Variants in TMTC2 observed in about 807,000 individuals in gnomAD.
TMTC2 encodes the protein transmembrane O-mannosyltransferase targeting cadherins 2.
A neutral mutation model predicts 82.4 loss-of-function variants in TMTC2; 43 were observed. The observed-to-expected ratio is 0.52, with a 90% CI of 0.41 to 0.67. The LOEUF is 0.67. TMTC2 is among the 30% of genes least tolerant of loss of function. The pLI is 0.00. For synonymous variants in TMTC2, 408 were observed against 381.9 expected (o/e 1.07, Z -0.80); for missense variants, 919 against 1,012.4 (o/e 0.91, Z 1.25).
At position 83,045,617 on chromosome 12, in the gene TMTC2, A is replaced by G. The variant is rs909556962; in HGVS notation, c.2153-5287A>G. Reference sequence around the variant, plus strand: ...TATATACATGTATCTATCTATACACATATGTGTAAACTAGTCATTATGCCC... The same window carrying G: ...TATATACATGTATCTATCTATACACGTATGTGTAAACTAGTCATTATGCCC... On this transcript the variant is annotated intron_variant, in intron 9 of 11. Coordinates refer to ENST00000321196, the MANE Select transcript of TMTC2 (RefSeq NM_152588.3). 4.6e-5 allele frequency among the ~76,000 whole-genome samples: 7 copies of G among 152,144 alleles called. No homozygotes were observed. The East Asian group carries it at 1.4e-3, about 29-fold the overall frequency.
intron 1 of TMTC2, among the ~76,000 whole-genome samples, chr12:82,727,084 G>A (rs1874493734): frequency 2.0e-5 from 3 of 149,850 alleles, no homozygotes; most frequent in South Asian, 2.1e-4. Flanking sequence ...CTGATCTTTT[G>A]TGTTGGAACT....
intron 1 of TMTC2, among the ~76,000 whole-genome samples, chr12:82,776,423 A>C (rs1041279800): frequency 9.2e-5 from 14 of 151,944 alleles, no homozygotes; most frequent in African/African-American, 2.9e-4. Context: ...CTTGGTATTT[A>C]GTTTGGACAC....
intron 9 of TMTC2, among the ~76,000 whole-genome samples, chr12:83,032,480 A>T (rs1881479794): frequency 6.6e-6 from 1 of 151,324 alleles, no homozygotes; most frequent in Non-Finnish European, 1.5e-5. Context: ...TCCAGTGGTG[A>T]TAGTAGCGGG....
chr12:82,954,903 T>C (rs955308276), intron 4 of TMTC2, among the ~76,000 whole-genome samples: 1 of 152,218 alleles, frequency 6.6e-6, no homozygotes, highest in Non-Finnish European at 1.5e-5. Context: ...TAATTTTTCT[T>C]TTACCTTTGT....
rs573637372 is a variant in TMTC2, at chr12:82,917,880, C to T, written c.1484-12551C>T. On this transcript the variant is annotated intron_variant, in intron 3 of 11. Coordinates refer to ENST00000321196, the MANE Select transcript of TMTC2 (RefSeq NM_152588.3). The stretch of plus-strand genomic sequence containing the variant: ...GCCTCCCAAGTGCTGGGATTACAGG[C>T]GTGAGCCACTGCTCCCGGCCAGCTT... Among the ~76,000 whole-genome samples the T allele has an allele frequency of 5.1e-3, 774 of 151,112 alleles. 4 individuals are homozygous for T. The highest frequency in any genetic ancestry group is 7.0e-3 in the Non-Finnish European group (478 of 67,822).
chr12:82,753,815 G>A (rs1876149100), intron 1 of TMTC2, among the ~76,000 whole-genome samples: 1 of 152,194 alleles, frequency 6.6e-6, no homozygotes, highest in South Asian at 2.1e-4. Context: ...ATTGATTTCA[G>A]ATGTCAGCTT....
chr12:82,968,448 T>C (rs1354494742), intron 7 of TMTC2, among the ~76,000 whole-genome samples: 1 of 152,186 alleles, frequency 6.6e-6, no homozygotes, highest in Non-Finnish European at 1.5e-5. Flanking sequence ...GATGTTTTTG[T>C]GTCAAAATAA....
intron 7 of TMTC2, among the ~76,000 whole-genome samples, chr12:82,974,682 T>C (rs960687622): frequency 6.6e-6 from 1 of 152,208 alleles, no homozygotes; most frequent in East Asian, 1.9e-4. Flanking sequence ...AAGTTTTACC[T>C]GACAGAGGAG....
chr12:83,073,822 G>A (rs1771451839), intron 11 of TMTC2, among the ~76,000 whole-genome samples: 1 of 151,976 alleles, frequency 6.6e-6, no homozygotes, highest in South Asian at 2.1e-4. Context: ...AATTTCCTGA[G>A]TTTTTGATTG....
chr12:83,080,063 A>G (rs1323800127), intron 11 of TMTC2, among the ~76,000 whole-genome samples: 1 of 152,180 alleles, frequency 6.6e-6, no homozygotes, highest in African/African-American at 2.4e-5. Flanking sequence ...GCATAGTACA[A>G]CATTATCATT....
intron 1 of TMTC2, among the ~76,000 whole-genome samples, chr12:82,736,740 G>A (rs1264732626): frequency 1.3e-5 from 2 of 152,104 alleles, no homozygotes; most frequent in Non-Finnish European, 2.9e-5. Flanking sequence ...AACCAAGATT[G>A]CCACTTGCTA....
chr12:83,081,882 T>TA (rs908005703), intron 11 of TMTC2, among the ~76,000 whole-genome samples: 4 of 151,388 alleles, frequency 2.6e-5, no homozygotes, highest in South Asian at 2.1e-4. Flanking sequence ...TTACAAAAAA[T>TA]AAAAAAAATA....
intron 2 of TMTC2, among the ~76,000 whole-genome samples, chr12:82,865,058 C>CAA (rs1373298523): frequency 0.039 from 3,296 of 84,346 alleles, 182 homozygotes; most frequent in African/African-American, 0.098. Flanking sequence ...ACTAAAAATA[C>CAA]AAAAAAAAAA....
At position 82,813,909 on chromosome 12, in the gene TMTC2, C is replaced by T. The variant is rs537159827; in HGVS notation, c.84-43101C>T. Among the ~76,000 whole-genome samples the T allele has an allele frequency of 3.9e-5, 6 of 152,154 alleles. No individual in the cohort carries two copies. In the South Asian group the frequency reaches 1.0e-3, roughly 26 times the overall value. ...ATAGTACCAAACTTTTAAATTTCCT[C>T]TGGTTTTAATGTTATGTTTATGATA... On this transcript the variant is annotated intron_variant, in intron 1 of 11. Coordinates refer to ENST00000321196, the MANE Select transcript of TMTC2 (RefSeq NM_152588.3).
intron 1 of TMTC2, among the ~76,000 whole-genome samples, chr12:82,695,607 G>T (rs1259136160): frequency 6.6e-6 from 1 of 152,180 alleles, no homozygotes; most frequent in Non-Finnish European, 1.5e-5. Context: ...TCTGTTAGTT[G>T]TGTCTCTTGG....
At chr12:83,112,639 T>G (rs1362502402) in intron 11 of TMTC2, among the ~76,000 whole-genome samples, 2 of 152,196 alleles carry the variant, frequency 1.3e-5, no homozygotes, top group Non-Finnish European at 2.9e-5. Flanking sequence ...ATACGTTATC[T>G]TAAGAATAAT....
At chr12:82,945,050 A>T (rs1481356406) in intron 4 of TMTC2, among the ~76,000 whole-genome samples, 1 of 152,300 alleles carries the variant, frequency 6.6e-6, no homozygotes, top group East Asian at 1.9e-4. Context: ...ATTGAATCAA[A>T]CAACTGATTT....
At chr12:82,819,532 G>A (rs1467020144) in intron 1 of TMTC2, among the ~76,000 whole-genome samples, 5 of 124,682 alleles carry the variant, frequency 4.0e-5, no homozygotes, top group African/African-American at 6.3e-5. Context: ...ACGGAGTTTC[G>A]CTCTCGTTGC....
At chr12:82,882,966 G>T (rs1872907385) in intron 2 of TMTC2, among the ~76,000 whole-genome samples, 1 of 142,128 alleles carries the variant, frequency 7.0e-6, no homozygotes, top group Admixed American at 7.8e-5. Context: ...TGAAGCAGGA[G>T]AATTGCTTGA....
Sources: allele counts gnomAD v4.1 joint callset (sites outside exome capture counted in the v4.1 genomes callset), GRCh38; gene constraint gnomAD v4.1.1; transcripts MANE v1.5; gene names NCBI Gene and HGNC (gene_info 2026-07-23, HGNC 2026-07-21).